Variants in PKHD1 observed in about 807,000 individuals in gnomAD.
PKHD1 encodes fibrocystin.
PKHD1 carries 291 observed loss-of-function variants against 412.0 expected under a neutral mutation model. The ratio of observed to expected loss-of-function variants is 0.71; its 90% CI spans 0.64 to 0.78. The LOEUF is 0.78. Among genes scored for constraint, PKHD1 ranks in the 30% least tolerant of loss-of-function variants. The pLI is 0.00. For synonymous variants in PKHD1, 1,777 were observed against 1,821.5 expected (o/e 0.98, Z 0.62); for missense variants, 4,825 against 4,950.7 (o/e 0.97, Z 0.76).
intron 47 of PKHD1, among the ~76,000 whole-genome samples, 199 bp downstream of exon 47, chr6:51,870,305 T>C: frequency 6.6e-6 from 1 of 152,078 alleles, no homozygotes; most frequent in East Asian, 1.9e-4. Flanking sequence ...GGCACCATAA[T>C]AGGAGCAGGA....
intron 35 of PKHD1, among the ~76,000 whole-genome samples, chr6:52,004,661 C>A (rs1798838279): frequency 6.6e-6 from 1 of 152,108 alleles, no homozygotes; most frequent in South Asian, 2.1e-4. Flanking sequence ...TTTTGTTAAG[C>A]CCTGTTTTCA....
chr6:51,908,618 C>T (rs1306725791), intron 40 of PKHD1, among the ~76,000 whole-genome samples: 12 of 152,110 alleles, frequency 7.9e-5, no homozygotes, highest in African/African-American at 2.4e-5. Context: ...GAACTTTTAT[C>T]AGTGCATTTG....
In PKHD1 at chr6:51,747,793, G is replaced by C; in HGVS notation, c.9823C>G (p.Leu3275Val). 1.2e-6 allele frequency: 2 copies of C among 1,613,178 alleles called. No homozygotes were observed. The highest frequency in any genetic ancestry group is 1.7e-6 in the Non-Finnish European group (2 of 1,179,274). The change falls in exon 58 of 67, where the codon CTT becomes GTT. Residue 3275 changes from leucine (L) to valine (V), a missense_variant. Leu to Val is a conservative substitution (Grantham distance 32). Coordinates refer to ENST00000371117, the MANE Select transcript of PKHD1 (RefSeq NM_138694.4). ...ATAAAATAAAACATCCTACCTTGAA[G>C]TTTCATGATTCCTGAAATTGAATGA... is the stretch of plus-strand genomic sequence containing the variant. ...NDHSISGIMK[L>V]QDVTFSSFVK... is the part of the protein sequence containing the mutation.
intron 60 of PKHD1, among the ~76,000 whole-genome samples, chr6:51,675,511 G>A (rs372059051): frequency 6.6e-6 from 1 of 152,014 alleles, no homozygotes; most frequent in Non-Finnish European, 1.5e-5. Flanking sequence ...CACTAAACAC[G>A]TTTATTCAGT....
chr6:51,708,181 G>A (rs534500694), intron 60 of PKHD1, among the ~76,000 whole-genome samples: 1 of 152,220 alleles, frequency 6.6e-6, no homozygotes, highest in Non-Finnish European at 1.5e-5. Context: ...GGCACCACCA[G>A]CCACTCAGTT....
chr6:51,791,775 T>C (rs1220685585), intron 52 of PKHD1, among the ~76,000 whole-genome samples: 1 of 152,228 alleles, frequency 6.6e-6, no homozygotes, highest in Non-Finnish European at 1.5e-5. Context: ...TGGATGTGAA[T>C]ACCAATTCTG....
chr6:51,798,804 C>G lies in PKHD1; in HGVS notation c.8303-7431G>C, dbSNP rs545214649. Among the ~76,000 whole-genome samples the G allele has an allele frequency of 1.1e-4, 17 of 152,276 alleles. No individual in the cohort carries two copies. The South Asian group carries it at 3.5e-3, about 32-fold the overall frequency. On this transcript the variant is annotated intron_variant, in intron 52 of 66. Coordinates refer to ENST00000371117, the MANE Select transcript of PKHD1 (RefSeq NM_138694.4). ...CTGTTCCAACCTATAGCACACTCAA[C>G]CAATATTCAGCTATTAAACCTGATT...
chr6:51,776,936 T>C (rs1791118523), intron 53 of PKHD1, among the ~76,000 whole-genome samples: 1 of 151,970 alleles, frequency 6.6e-6, no homozygotes, highest in Non-Finnish European at 1.5e-5. Context: ...CGTTAGTGAG[T>C]ATGGACCTGA....
At chr6:52,029,764 G>C (rs923197653) in intron 29 of PKHD1, among the ~76,000 whole-genome samples, 3 of 152,188 alleles carry the variant, frequency 2.0e-5, no homozygotes, top group Non-Finnish European at 4.4e-5. Context: ...TCTGTTTTGG[G>C]GATAAGCCAA....
chr6:51,766,001 T>A (rs1323135364), intron 55 of PKHD1, among the ~76,000 whole-genome samples: 3 of 152,136 alleles, frequency 2.0e-5, no homozygotes, highest in Non-Finnish European at 2.9e-5. Flanking sequence ...TGCCTCAAGT[T>A]GACATATTCA....
intron 27 of PKHD1, among the ~76,000 whole-genome samples, chr6:52,038,108 G>A (rs1190855605): frequency 4.6e-5 from 7 of 152,254 alleles, no homozygotes; most frequent in South Asian, 4.1e-4. Context: ...TGGGCCAGGC[G>A]CAGTGGCTCA....
chr6:51,833,036 C>T (rs748924240), intron 51 of PKHD1, among the ~76,000 whole-genome samples: 1 of 152,120 alleles, frequency 6.6e-6, no homozygotes, highest in African/African-American at 2.4e-5. Flanking sequence ...TGCTTCCCAA[C>T]ATTAGACCCA....
At chr6:51,653,785 T>TG (rs1454791750) in intron 61 of PKHD1, among the ~76,000 whole-genome samples, 1 of 152,002 alleles carries the variant, frequency 6.6e-6, no homozygotes, top group Admixed American at 6.6e-5. Flanking sequence ...ACAAGGACAA[T>TG]GAAAGATAAG....
At chr6:52,006,572 T>C (rs1236037918) in intron 35 of PKHD1, among the ~76,000 whole-genome samples, 3 of 152,142 alleles carry the variant, frequency 2.0e-5, no homozygotes, top group African/African-American at 7.2e-5. Context: ...AGATGGGGTT[T>C]CACCATGTTG....
At position 51,841,553 on chromosome 6, in the gene PKHD1, C is replaced by A. The variant is rs141915808; in HGVS notation, c.8108-5084G>T. On this transcript the variant is annotated intron_variant, in intron 50 of 66. Coordinates refer to ENST00000371117, the MANE Select transcript of PKHD1 (RefSeq NM_138694.4). ...AAAGGTTAGTGCAGTTCCCTGAAGTCAATTCTCTACATACTGGTAAAAATC... is the reference window on the plus strand; with the variant it reads ...AAAGGTTAGTGCAGTTCCCTGAAGTAAATTCTCTACATACTGGTAAAAATC... Among the ~76,000 whole-genome samples, 1,156 of 152,296 alleles carry A rather than the reference C, an allele frequency of 7.6e-3. 14 individuals are homozygous for A. Among genetic ancestry groups the A allele is most frequent in the African/African-American group, 0.027 (1,103 of 41,552 alleles).
At chr6:51,772,584 C>G (rs1334476474) in intron 55 of PKHD1, 118 bp downstream of exon 55, 3 of 562,216 alleles carry the variant, frequency 5.3e-6, no homozygotes, top group Admixed American at 6.3e-5. Context: ...TTTCTACTTG[C>G]TCATCCTTTA....
intron 41 of PKHD1, among the ~76,000 whole-genome samples, chr6:51,904,682 G>A (rs1781802937): frequency 6.6e-6 from 1 of 152,130 alleles, no homozygotes; most frequent in Admixed American, 6.5e-5. Flanking sequence ...TCCCTCACTT[G>A]TAATACAATA....
intron 55 of PKHD1, among the ~76,000 whole-genome samples, chr6:51,763,877 C>T (rs1788464716): frequency 6.6e-6 from 1 of 151,958 alleles, no homozygotes; most frequent in South Asian, 2.1e-4. Flanking sequence ...ATAAGTGTTA[C>T]CTCCTATCCA....
At chr6:51,717,392 T>G (rs1316750512) in intron 60 of PKHD1, among the ~76,000 whole-genome samples, 2 of 148,668 alleles carry the variant, frequency 1.3e-5, no homozygotes, top group Non-Finnish European at 1.5e-5. Context: ...AGTCTGGGGG[T>G]CGAGAGCAAA....
Sources: allele counts gnomAD v4.1 joint callset (sites outside exome capture counted in the v4.1 genomes callset), GRCh38; gene constraint gnomAD v4.1.1; transcripts MANE v1.5; gene names NCBI Gene and HGNC (gene_info 2026-07-23, HGNC 2026-07-21).